Variants in PHLDB2 observed in about 807,000 individuals in gnomAD.
PHLDB2 encodes the protein pleckstrin homology-like domain family B member 2.
In PHLDB2, 71 loss-of-function variants were observed where a neutral mutation model predicts 123.6. The observed-to-expected ratio is 0.57, with a 90% CI of 0.47 to 0.70. The LOEUF (loss-of-function observed/expected upper bound fraction) is 0.70, where lower values mean the gene tolerates loss of function less well. PHLDB2 is among the 30% of genes least tolerant of loss of function. The probability of loss-of-function intolerance (pLI) is 0.00; values close to 1 mark genes in which losing one functional copy is unlikely to be tolerated. For missense variants in PHLDB2, 1,446 were observed against 1,519.5 expected (o/e 0.95, Z 0.80); for synonymous variants, 547 against 541.6 (o/e 1.01, Z -0.14).
intron 8 of PHLDB2, among the ~76,000 whole-genome samples, chr3:111,942,146 T>G (rs1410061164): frequency 9.2e-5 from 14 of 152,178 alleles, no homozygotes; most frequent in Admixed American, 8.5e-4. Context: ...CAGTGATAGA[T>G]TTTATAAAAT....
At chr3:111,972,893 T>C (rs1379164664) in intron 16 of PHLDB2, among the ~76,000 whole-genome samples, 1 of 152,182 alleles carries the variant, frequency 6.6e-6, no homozygotes, top group African/African-American at 2.4e-5. Flanking sequence ...AAGAGGATTT[T>C]TGTGTTTTTA....
intron 1 of PHLDB2, among the ~76,000 whole-genome samples, chr3:111,832,719 TATAATA>T (rs2063123781): frequency 1.3e-5 from 1 of 79,712 alleles, no homozygotes; most frequent in Admixed American, 1.9e-4. Flanking sequence ...ATATAATATA[TATAATA>T]GAATTATACA....
At chr3:111,800,996 C>A (rs1465922302) in intron 1 of PHLDB2, among the ~76,000 whole-genome samples, 2 of 152,122 alleles carry the variant, frequency 1.3e-5, no homozygotes, top group Non-Finnish European at 2.9e-5. Context: ...GAAATTTAGA[C>A]ATAGAAGAGA....
intron 17 of PHLDB2, 23 bp from the exon 18 acceptor site, chr3:111,974,400 C>G (rs1320588805): frequency 6.4e-7 from 1 of 1,564,346 alleles, no homozygotes; most frequent in Non-Finnish European, 8.7e-7. Flanking sequence ...ATTTTACATT[C>G]TTTTTCCTTT....
intron 5 of PHLDB2, among the ~76,000 whole-genome samples, chr3:111,926,996 T>C (rs1411567520): frequency 6.6e-6 from 1 of 152,202 alleles, no homozygotes. Flanking sequence ...CGTATGCATA[T>C]GTCCAGACTC....
intron 13 of PHLDB2, among the ~76,000 whole-genome samples, chr3:111,964,385 G>A (rs1319388152): frequency 6.6e-6 from 1 of 152,054 alleles, no homozygotes; most frequent in African/African-American, 2.4e-5. Flanking sequence ...TGTTGCCCAG[G>A]CTGGTGTGCA....
At chr3:111,865,058 A>G (rs1292791044) in intron 1 of PHLDB2, among the ~76,000 whole-genome samples, 2 of 152,210 alleles carry the variant, frequency 1.3e-5, no homozygotes, top group Non-Finnish European at 2.9e-5. Flanking sequence ...AGATAAAGGC[A>G]AAAGAAACCC....
intron 2 of PHLDB2, among the ~76,000 whole-genome samples, chr3:111,900,074 T>C (rs1378354508): frequency 6.6e-6 from 1 of 152,250 alleles, no homozygotes; most frequent in Non-Finnish European, 1.5e-5. Flanking sequence ...TACAGATTTT[T>C]CTTCTGCAGC....
intron 1 of PHLDB2, among the ~76,000 whole-genome samples, chr3:111,808,758 G>C (rs934649634): frequency 1.3e-5 from 2 of 151,972 alleles, no homozygotes; most frequent in African/African-American, 4.8e-5. Context: ...TGCCCTCTTT[G>C]GTCTTCAAAT....
intron 2 of PHLDB2, chr3:111,911,714 G>A: frequency 6.5e-7 from 1 of 1,536,214 alleles, no homozygotes; most frequent in East Asian, 2.4e-5. Flanking sequence ...AGTTCAGGCA[G>A]TGAAAGGGAG....
At chr3:111,778,354 A>T (rs1194017146) in intron 1 of PHLDB2, 1 of 152,056 alleles carries the variant, frequency 6.6e-6, no homozygotes, top group Non-Finnish European at 1.5e-5. Flanking sequence ...CATGGAATGG[A>T]TGCTTCCCTC....
At chr3:111,905,079 G>A (rs2067434048) in intron 2 of PHLDB2, among the ~76,000 whole-genome samples, 1 of 152,160 alleles carries the variant, frequency 6.6e-6, no homozygotes, top group African/African-American at 2.4e-5. Context: ...AAGTCTCTCT[G>A]TGCCTCACTT....
intron 1 of PHLDB2, among the ~76,000 whole-genome samples, chr3:111,835,524 G>GGC (rs2063356041): frequency 6.6e-6 from 1 of 152,140 alleles, no homozygotes; most frequent in African/African-American, 2.4e-5. Flanking sequence ...GAAAATAATG[G>GGC]TAGGCACCTG....
intron 1 of PHLDB2, among the ~76,000 whole-genome samples, chr3:111,824,613 AT>A (rs1190109251): frequency 6.6e-6 from 1 of 152,186 alleles, no homozygotes; most frequent in Non-Finnish European, 1.5e-5. Flanking sequence ...TGTAGCCCTG[AT>A]TGCAGCTGGC....
chr3:111,916,005 T>C (rs922664017), intron 3 of PHLDB2: 16 of 152,240 alleles, frequency 1.1e-4, no homozygotes, highest in Non-Finnish European at 1.9e-4. Flanking sequence ...TCTTCCTTTA[T>C]GGAGATCTGC....
At chr3:111,830,767 C>T (rs2108473000) in intron 1 of PHLDB2, among the ~76,000 whole-genome samples, 1 of 127,722 alleles carries the variant, frequency 7.8e-6, no homozygotes, top group African/African-American at 3.0e-5. Context: ...CGAGATCCCG[C>T]CACTGCACTC....
intron 9 of PHLDB2, 34 bp from the exon 10 acceptor site, chr3:111,948,894 GCTTT>G: frequency 6.2e-7 from 1 of 1,606,848 alleles, no homozygotes; most frequent in African/African-American, 1.3e-5. Flanking sequence ...CTCAGCTTTT[GCTTT>G]CTTTGTGTTT....
chr3:111,887,534 T>G (rs1411248854), intron 2 of PHLDB2, among the ~76,000 whole-genome samples: 1 of 152,180 alleles, frequency 6.6e-6, no homozygotes, highest in African/African-American at 2.4e-5. Flanking sequence ...ACCATTAAAA[T>G]AATATTTCAT....
At chr3:111,808,217 G>T (rs1559842360) in intron 1 of PHLDB2, among the ~76,000 whole-genome samples, 1 of 152,120 alleles carries the variant, frequency 6.6e-6, no homozygotes, top group Non-Finnish European at 1.5e-5. Context: ...AAATTGTGGG[G>T]TGAACTGTCT....
Sources: gnomAD v4.1 joint callset for allele counts (sites outside exome capture counted in the v4.1 genomes callset) on GRCh38, gnomAD v4.1.1 for gene constraint, MANE v1.5 for transcripts, NCBI Gene and HGNC (gene_info 2026-07-23, HGNC 2026-07-21) for gene names.